NSUN6: variants seen among roughly 807,000 people sequenced by gnomAD.
NSUN6 encodes the protein tRNA (cytosine(72)-C(5))-methyltransferase NSUN6.
NSUN6 carries 64 observed loss-of-function variants against 58.0 expected under a neutral mutation model. The ratio of observed to expected loss-of-function variants is 1.10; its 90% CI spans 0.90 to 1.36. The LOEUF (loss-of-function observed/expected upper bound fraction) is 1.36, where lower values mean the gene tolerates loss of function less well. NSUN6 is among the 40% of genes most tolerant of loss of function. NSUN6 has a pLI of 0.00. For synonymous variants in NSUN6, 231 were observed against 193.9 expected, an observed-to-expected ratio of 1.19 and a Z score of -1.59; for missense variants, 701 against 550.1, an observed-to-expected ratio of 1.27 and a Z score of -2.74.
chr10:18,613,304 C>G (rs192566603), intron 5 of NSUN6, among the ~76,000 whole-genome samples: 5 of 152,046 alleles, frequency 3.3e-5, no homozygotes, highest in Non-Finnish European at 7.4e-5. Flanking sequence ...ACCGTGTTGG[C>G]CAGGCTGGTC....
intron 3 of NSUN6, among the ~76,000 whole-genome samples, chr10:18,616,965 A>G (rs544577751): frequency 6.6e-6 from 1 of 152,074 alleles, no homozygotes; most frequent in South Asian, 2.1e-4. Flanking sequence ...ATGATCGCCA[A>G]TTCATCAAAT....
At chr10:18,560,817 G>C (rs1331865964) in intron 8 of NSUN6, among the ~76,000 whole-genome samples, 1 of 150,870 alleles carries the variant, frequency 6.6e-6, no homozygotes, top group African/African-American at 2.4e-5. Context: ...GAATGATATG[G>C]AACGGAATGG....
intron 7 of NSUN6, among the ~76,000 whole-genome samples, chr10:18,587,264 C>T (rs970153358): frequency 9.9e-5 from 15 of 152,142 alleles, no homozygotes; most frequent in Non-Finnish European, 2.1e-4. Flanking sequence ...CCTTAAAGTG[C>T]TTTGAGATGC....
upstream of NSUN6, chr10:18,652,682 C>T (rs1013765439): frequency 3.1e-5 from 18 of 586,702 alleles, no homozygotes; most frequent in Non-Finnish European, 3.9e-5. Flanking sequence ...GCCTTGGCCT[C>T]CCGAGTAGCT....
chr10:18,557,289 G>A (rs565670244), intron 8 of NSUN6, among the ~76,000 whole-genome samples: 2 of 151,314 alleles, frequency 1.3e-5, no homozygotes, highest in East Asian at 1.9e-4. Context: ...GAATGCAGTG[G>A]AGAGTGGAAG....
At chr10:18,648,420 G>T (rs2059610824) in intron 2 of NSUN6, 70 bp downstream of exon 2, 1 of 968,424 alleles carries the variant, frequency 1.0e-6, no homozygotes, top group Non-Finnish European at 1.6e-6. Flanking sequence ...TCATTCATAG[G>T]ATTTTAATGG....
Position 18,556,693 on chromosome 10 carries a change from G to A in NSUN6, c.923-4722C>T, listed in dbSNP as rs951313902. On this transcript the variant is annotated intron_variant, in intron 8 of 10. Transcript: ENST00000377304. ...AGAATGGGGAATTGAAATGCGAATGGAATGGAAAGGGGAAGGGAATGGAAT... is the reference window on the plus strand; with the variant it reads ...AGAATGGGGAATTGAAATGCGAATGAAATGGAAAGGGGAAGGGAATGGAAT... 4.0e-5 allele frequency among the ~76,000 whole-genome samples: 6 copies of A among 151,460 alleles called. No individual in the cohort carries two copies. The Admixed American group carries it at 4.0e-4, about 10-fold the overall frequency.
chr10:18,609,557 T>C (rs1281680042), intron 6 of NSUN6, among the ~76,000 whole-genome samples: 1 of 152,148 alleles, frequency 6.6e-6, no homozygotes, highest in Non-Finnish European at 1.5e-5. Flanking sequence ...ATCAAATGCA[T>C]GCAATATTCA....
intron 3 of NSUN6, 34 bp from the exon 4 acceptor site, chr10:18,616,327 AC>A (rs1323022869): frequency 7.7e-7 from 1 of 1,290,360 alleles, no homozygotes; most frequent in Admixed American, 1.7e-5. Flanking sequence ...TTTAATAGTA[AC>A]ATACCTCCAA....
At chr10:18,598,095 T>C (rs2057664887) in intron 6 of NSUN6, among the ~76,000 whole-genome samples, 1 of 152,138 alleles carries the variant, frequency 6.6e-6, no homozygotes, top group African/African-American at 2.4e-5. Context: ...ATTCCACCAT[T>C]GTGATTTGTT....
chr10:18,563,660 G>A (rs1448008754), intron 8 of NSUN6, among the ~76,000 whole-genome samples: 1 of 144,466 alleles, frequency 6.9e-6, no homozygotes, highest in African/African-American at 2.6e-5. Context: ...TGCTCCATTC[G>A]ATTCCATTCC....
Position 18,651,256 on chromosome 10 carries a change from GTTT to G in NSUN6, c.-56_-54del, listed in dbSNP as rs140572895. On this transcript the variant is annotated 5_prime_UTR_variant, in exon 1 of 11. Transcript: ENST00000377304. ...GAGAAATGCTGGAAAACGGTGTTTT[GTTT>G]TTTTTTTTCTTTCCGAATTAATAGT... is the stretch of plus-strand genomic sequence containing the variant. 3.7e-6 allele frequency: 5 copies of G among 1,361,054 alleles called. No individual in the cohort carries two copies. The highest frequency in any genetic ancestry group is 4.8e-6 in the Non-Finnish European group (5 of 1,032,158). The allele number at this position is 1,361,054 out of a possible 1,614,324, so 84.3% of individuals were successfully genotyped here.
At chr10:18,547,592 A>G (rs2054353751) in intron 10 of NSUN6, among the ~76,000 whole-genome samples, 1 of 152,222 alleles carries the variant, frequency 6.6e-6, no homozygotes, top group South Asian at 2.1e-4. Context: ...AGACCATAAC[A>G]TAAAGAGTTG....
rs2057119933 is a variant in NSUN6 at position 18,586,009 on chromosome 10, T to C, written c.862A>G (p.Arg288Gly). ...NALLLGLNSI[R>G]AFCFDGTKAV... Reference sequence around the variant, plus strand: ...TTTGTTCCATCAAAACAAAATGCCCTGATGGAATTCAGCCCTAACAATAAG... The same window carrying C: ...TTTGTTCCATCAAAACAAAATGCCCCGATGGAATTCAGCCCTAACAATAAG... The change falls in exon 8 of 11, where the codon AGG becomes GGG. Residue 288 changes from arginine (R) to glycine (G), a missense_variant. Transcript: ENST00000377304. The C allele has an allele frequency of 6.2e-7, 1 of 1,612,720 alleles. No individual in the cohort carries two copies. The highest frequency in any genetic ancestry group is 8.5e-7 in the Non-Finnish European group (1 of 1,179,540).
At chr10:18,595,682 C>CTT (rs2057557262) in intron 7 of NSUN6, among the ~76,000 whole-genome samples, 1 of 152,132 alleles carries the variant, frequency 6.6e-6, no homozygotes, top group Admixed American at 6.6e-5. Flanking sequence ...AACAAATATC[C>CTT]TTTTCTCTTT....
chr10:18,596,349 C>T (rs373362340), intron 6 of NSUN6, 22 bp from the exon 7 acceptor site: 21 of 1,499,254 alleles, frequency 1.4e-5, no homozygotes, highest in Middle Eastern at 1.7e-4. Context: ...AAAATGTAAT[C>T]GATTATCAAT....
chr10:18,601,972 C>T (rs1296319892), intron 6 of NSUN6, among the ~76,000 whole-genome samples: 3 of 148,458 alleles, frequency 2.0e-5, no homozygotes, highest in Non-Finnish European at 3.0e-5. Context: ...CACTCTATCT[C>T]GGGGGAAAAA....
intron 3 of NSUN6, among the ~76,000 whole-genome samples, chr10:18,620,289 G>T (rs550792485): frequency 6.6e-6 from 1 of 152,070 alleles, no homozygotes; most frequent in South Asian, 2.1e-4. Context: ...GGGTTACACC[G>T]TGTTAGCCAG....
At position 18,651,540 on chromosome 10, in the gene NSUN6, A is replaced by C. The variant is rs1172386865; in HGVS notation, c.-337T>G. On this transcript the variant is annotated 5_prime_UTR_variant, in exon 1 of 11. Coordinates refer to ENST00000377304, the MANE Select transcript of NSUN6 (RefSeq NM_182543.5). ...TGAATCCGTGGTGAAACGGACGCAG[A>C]TCAGTAAGCCAGGCTGACAGCAGCT... 7.9e-6 allele frequency: 8 copies of C among 1,015,692 alleles called. No homozygotes were observed. Among genetic ancestry groups the C allele is most frequent in the Middle Eastern group, 4.7e-4 (1 of 2,106 alleles). The allele number at this position is 1,015,692 out of a possible 1,614,324, so 62.9% of individuals were successfully genotyped here.
Sources: gnomAD v4.1 joint callset for allele counts (sites outside exome capture counted in the v4.1 genomes callset) on GRCh38, gnomAD v4.1.1 for gene constraint, MANE v1.5 for transcripts, NCBI Gene and HGNC (gene_info 2026-07-23, HGNC 2026-07-21) for gene names.